Variants in PCDH7 observed in about 807,000 individuals in gnomAD.
The protein encoded by PCDH7 is protocadherin 7, also known as protocadherin-7.
In PCDH7, 17 loss-of-function variants were observed where a neutral mutation model predicts 58.9. That is an observed-to-expected ratio of 0.29 (90% CI 0.20 to 0.43). The LOEUF (loss-of-function observed/expected upper bound fraction) is 0.43. Among genes scored for constraint, PCDH7 ranks in the 20% least tolerant of loss-of-function variants. PCDH7 has a pLI of 1.00. For missense variants in PCDH7, 1,274 were observed against 1,441.0 expected, an observed-to-expected ratio of 0.88 and a Z score of 1.88; for synonymous variants, 664 against 616.4, an observed-to-expected ratio of 1.08 and a Z score of -1.14.
intron 2 of PCDH7, among the ~76,000 whole-genome samples, chr4:30,944,684 A>T (rs1746460618): frequency 6.6e-6 from 1 of 152,220 alleles, no homozygotes; most frequent in African/African-American, 2.4e-5. Context: ...ACTGTAAGTC[A>T]GGAAGATAAT....
exon 4 of PCDH7, chr4:31,142,564 C>A: frequency 7.3e-7 from 1 of 1,367,746 alleles, no homozygotes; most frequent in Admixed American, 1.9e-5. Flanking sequence ...GGATGCCGGT[C>A]CGCACTTCTC....
rs1578173854 is a variant in PCDH7 at position 30,887,103 on chromosome 4, A to G, written c.71-33050A>G. Among the ~76,000 whole-genome samples the G allele has an allele frequency of 3.3e-5, 5 of 152,172 alleles. No homozygotes were observed. In the East Asian group the frequency reaches 7.8e-4, roughly 24 times the overall value. On this transcript the variant is annotated intron_variant, in intron 1 of 3. Transcript: ENST00000509759. ...TATGTAACTAACCTGCACAATGTGC[A>G]GGTTATATACTAAAACTTAAAGTAT...
intron 1 of PCDH7, among the ~76,000 whole-genome samples, chr4:30,851,438 G>A (rs757421057): frequency 6.6e-6 from 1 of 151,798 alleles, no homozygotes; most frequent in Non-Finnish European, 1.5e-5. Flanking sequence ...TTCTCTGGTC[G>A]AGTATATTCA....
At position 30,915,681 on chromosome 4, in the gene PCDH7, G is replaced by A. The variant is rs377620075; in HGVS notation, c.71-4472G>A. 2.0e-4 allele frequency among the ~76,000 whole-genome samples: 31 copies of A among 152,114 alleles called. 1 individual carries two copies. In the South Asian group the frequency reaches 5.8e-3, roughly 29 times the overall value. ...TGGGATTATAGACATGTACCACCAC[G>A]TCCAGCTAATTTTTGTAGTTTTGGT... On this transcript the variant is annotated intron_variant, in intron 1 of 3. Coordinates refer to the PCDH7 transcript ENST00000509759.
chr4:31,011,379 G>A (rs1753172888), intron 3 of PCDH7, among the ~76,000 whole-genome samples: 1 of 151,942 alleles, frequency 6.6e-6, no homozygotes, highest in Non-Finnish European at 1.5e-5. Flanking sequence ...ATTCAACATG[G>A]ATCTTTTATT....
chr4:31,074,963 A>ACCATGT (rs1758864644), intron 3 of PCDH7, among the ~76,000 whole-genome samples: 1 of 151,960 alleles, frequency 6.6e-6, no homozygotes, highest in Non-Finnish European at 1.5e-5. Flanking sequence ...TATATAATCA[A>ACCATGT]CCATGTCCTT....
chr4:31,090,634 A>G (rs1015949141), intron 3 of PCDH7, among the ~76,000 whole-genome samples: 2 of 152,080 alleles, frequency 1.3e-5, no homozygotes, highest in African/African-American at 2.4e-5. Flanking sequence ...TTGCAGTTTC[A>G]CTAATTCGGA....
rs534417494 is a variant in PCDH7 at position 31,139,380 on chromosome 4, A to G, written c.*8-3093A>G. Among the ~76,000 whole-genome samples the G allele has an allele frequency of 6.6e-5, 10 of 152,344 alleles. No individual in the cohort carries two copies. The East Asian group carries it at 1.9e-3, about 29-fold the overall frequency. On this transcript the variant is annotated intron_variant, in intron 3 of 3. Transcript: ENST00000509759. ...TCCATCTTCACTGAGATCAAAATTT[A>G]AAACAACAGTACTAAAGCATAAAAT...
intron 3 of PCDH7, among the ~76,000 whole-genome samples, chr4:31,109,071 C>A (rs190330013): frequency 9.9e-5 from 15 of 152,250 alleles, no homozygotes; most frequent in African/African-American, 2.9e-4. Flanking sequence ...AGGCTTGTTC[C>A]CATGCCATGA....
At chr4:31,134,769 C>T (rs1368972691) in intron 3 of PCDH7, among the ~76,000 whole-genome samples, 3 of 152,154 alleles carry the variant, frequency 2.0e-5, no homozygotes, top group Non-Finnish European at 4.4e-5. Flanking sequence ...ATAGACTTTG[C>T]TGGGTCAGCT....
intron 3 of PCDH7, among the ~76,000 whole-genome samples, chr4:31,068,412 C>T (rs534898399): frequency 4.6e-5 from 7 of 152,082 alleles, no homozygotes; most frequent in African/African-American, 1.4e-4. Context: ...CAAGATGACT[C>T]GTAAACTGAA....
chr4:30,720,437 G>A lies in PCDH7; in HGVS notation c.-986G>A. 1 of 152,862 alleles carries A rather than the reference G, an allele frequency of 6.5e-6. No homozygotes were observed. The highest frequency in any genetic ancestry group is 1.5e-5 in the Non-Finnish European group (1 of 68,092). The allele number at this position is 152,862 out of a possible 1,614,324, so 9.5% of individuals were successfully genotyped here. A position where few individuals can be genotyped will look rare whatever the true frequency, so the allele number is the denominator to read the frequency against. ...GCCGAATGCAGGTGAGAAAAGGCAC[G>A]GACTCTGCGGCTGCGAACCCAAACT... On this transcript the variant is annotated 5_prime_UTR_variant, in exon 1 of 2. Coordinates refer to ENST00000361762, the Ensembl canonical transcript of PCDH7. This position sits in a 1 kb window ranked among gnomAD's most constrained non-coding sequence, Gnocchi z 4.7.
intron 1 of PCDH7, among the ~76,000 whole-genome samples, chr4:30,879,326 CA>C (rs1203541503): frequency 6.6e-6 from 1 of 151,008 alleles, no homozygotes; most frequent in Admixed American, 6.6e-5. Flanking sequence ...TATTTCTAGA[CA>C]AAAAAAATCA....
intron 3 of PCDH7, among the ~76,000 whole-genome samples, chr4:31,061,920 G>A (rs1410696699): frequency 6.6e-6 from 1 of 151,606 alleles, no homozygotes; most frequent in Non-Finnish European, 1.5e-5. Context: ...GGTATTCTGA[G>A]TAACATAATT....
At chr4:30,768,607 A>T (rs918841392) in intron 1 of PCDH7, among the ~76,000 whole-genome samples, 1 of 152,164 alleles carries the variant, frequency 6.6e-6, no homozygotes, top group Non-Finnish European at 1.5e-5. Flanking sequence ...AGAGCAGGAG[A>T]TTTTCAAGTA....
intron 1 of PCDH7, among the ~76,000 whole-genome samples, chr4:30,728,564 A>G (rs1334550666): frequency 6.6e-6 from 1 of 151,838 alleles, no homozygotes; most frequent in East Asian, 1.9e-4. Flanking sequence ...TAGTAAAGCA[A>G]CACTATCTGG....
chr4:30,841,101 A>C (rs1054361050), intron 1 of PCDH7, among the ~76,000 whole-genome samples: 1 of 152,160 alleles, frequency 6.6e-6, no homozygotes, highest in African/African-American at 2.4e-5. Flanking sequence ...ACCTGCCTAA[A>C]AATACTTTTT....
At chr4:30,920,450 C>A (rs2109415212) in intron 2 of PCDH7, 81 bp downstream of exon 2, 3 of 940,100 alleles carry the variant, frequency 3.2e-6, no homozygotes, top group Non-Finnish European at 4.4e-6. Context: ...AGTCTAAAAC[C>A]AAAATAAAAT....
At chr4:30,725,314 A>G in intron 1 of PCDH7, 1 of 989,474 alleles carries the variant, frequency 1.0e-6, no homozygotes, top group Non-Finnish European at 1.2e-6. Flanking sequence ...GCAAACAAAA[A>G]TACATTGCAT....
Sources: gnomAD v4.1 joint callset for allele counts (sites outside exome capture counted in the v4.1 genomes callset) on GRCh38, gnomAD v4.1.1 for gene constraint, Gnocchi (gnomAD v3.1) non-coding constraint, MANE v1.5 for transcripts, NCBI Gene and HGNC (gene_info 2026-07-23, HGNC 2026-07-21) for gene names.